Variants in DNAH9 observed in about 807,000 individuals in gnomAD.
DNAH9 encodes dynein axonemal heavy chain 9.
In DNAH9, 345 loss-of-function variants were observed where a neutral mutation model predicts 471.6. The ratio of observed to expected loss-of-function variants is 0.73; its 90% CI spans 0.67 to 0.80. The LOEUF is 0.80. DNAH9 is among the 30% of genes least tolerant of loss of function. DNAH9 has a pLI of 0.00. For missense variants in DNAH9, 5,407 were observed against 5,609.2 expected (o/e 0.96, Z 1.15); for synonymous variants, 2,093 against 2,123.6 (o/e 0.99, Z 0.40).
chr17:11,751,019 G>GA (rs1334414776), intron 32 of DNAH9, among the ~76,000 whole-genome samples: 1 of 151,706 alleles, frequency 6.6e-6, no homozygotes, highest in Non-Finnish European at 1.5e-5. Flanking sequence ...TGATTAATGG[G>GA]AAAAAAGAGT....
intron 66 of DNAH9, among the ~76,000 whole-genome samples, chr17:11,939,231 A>G (rs912665656): frequency 3.9e-5 from 6 of 152,184 alleles, no homozygotes; most frequent in Admixed American, 1.3e-4. Flanking sequence ...TTTGATGTAT[A>G]ATTTGAAAAT....
chr17:11,755,081 G>T (rs145056972), intron 33 of DNAH9, among the ~76,000 whole-genome samples: 44 of 152,154 alleles, frequency 2.9e-4, no homozygotes, highest in African/African-American at 1.0e-3. Flanking sequence ...TGTTAAATAG[G>T]CTTCCCCAAA....
chr17:11,615,030 T>C (rs551184803), intron 4 of DNAH9, among the ~76,000 whole-genome samples: 23 of 152,192 alleles, frequency 1.5e-4, no homozygotes, highest in Non-Finnish European at 2.9e-4. Context: ...CAGTGCACAC[T>C]GGTTTGCTGT....
At position 11,784,332 on chromosome 17, in the gene DNAH9, G is replaced by C. The variant is rs778139255; in HGVS notation, c.7854G>C (p.Pro2618=). The C allele has an allele frequency of 6.2e-6, 10 of 1,613,874 alleles. 1 individual carries two copies. In the African/African-American group the frequency reaches 1.1e-4, roughly 17 times the overall value. ...RHFSVFVLSF[P]GADALSSIYS... is the part of the protein sequence containing the mutation. ...TCAGCGTGTTTGTCCTCTCCTTCCC[G>C]GGGGCAGATGCCCTGTCCTCTATCT... Residue 2618 remains proline (P), a synonymous_variant, in exon 41 of 69, where the codon CCG becomes CCC. Coordinates refer to ENST00000262442, the MANE Select transcript of DNAH9 (RefSeq NM_001372.4).
chr17:11,701,578 GA>G (rs1363099512), intron 24 of DNAH9, among the ~76,000 whole-genome samples: 2 of 152,222 alleles, frequency 1.3e-5, no homozygotes, highest in African/African-American at 4.8e-5. Context: ...CACCAGTAGG[GA>G]ACAAGACAAT....
intron 7 of DNAH9, among the ~76,000 whole-genome samples, chr17:11,632,257 C>A (rs149444731): frequency 6.6e-6 from 1 of 152,090 alleles, no homozygotes; most frequent in Non-Finnish European, 1.5e-5. Context: ...GTTGATGCTG[C>A]GGTGGTTTTC....
intron 15 of DNAH9, among the ~76,000 whole-genome samples, chr17:11,666,300 GCA>G (rs1450755512): frequency 3.9e-5 from 6 of 152,182 alleles, no homozygotes; most frequent in African/African-American, 1.4e-4. Flanking sequence ...TGCAGGCAGT[GCA>G]CTAGAAGTGG....
chr17:11,874,814 C>CCTT, intron 52 of DNAH9, 135 bp from the exon 53 acceptor site: 1 of 674,736 alleles, frequency 1.5e-6, no homozygotes, highest in Non-Finnish European at 2.6e-6. Flanking sequence ...AATCACACAG[C>CCTT]CAGAAAGGCA....
intron 61 of DNAH9, among the ~76,000 whole-genome samples, chr17:11,908,542 T>G (rs1973683336): frequency 6.6e-6 from 1 of 152,230 alleles, no homozygotes; most frequent in African/African-American, 2.4e-5. Context: ...ATATCCCATT[T>G]ACTCGGTAGT....
At chr17:11,848,841 C>T (rs540971259) in intron 49 of DNAH9, among the ~76,000 whole-genome samples, 5 of 151,572 alleles carry the variant, frequency 3.3e-5, no homozygotes, top group Non-Finnish European at 7.4e-5. Flanking sequence ...TCTCTCACAC[C>T]TCTTTTTTTT....
rs765859979 is a variant in DNAH9 at position 11,902,860 on chromosome 17, C to A, written c.11548C>A (p.Arg3850Ser). 2 of 1,613,910 alleles carry A rather than the reference C, an allele frequency of 1.2e-6. No homozygotes were observed. The highest frequency in any genetic ancestry group is 1.7e-6 in the Non-Finnish European group (2 of 1,179,866). ...GTGGAAGAACAAGACAGCCCTGCAG[C>A]GCCTCTGCATGCTGAGAGCCATGCG... ...QEWKNKTALQRLCMLRAMRPD... is the reference protein window; with the variant it reads ...QEWKNKTALQSLCMLRAMRPD... The change falls in exon 60 of 69, where the codon CGC (arginine) becomes AGC (serine). Residue 3850 changes from arginine to serine, a missense_variant. Physicochemically the swap from Arg to Ser is moderately radical, Grantham distance 110 (BLOSUM62 -1). This residue lies in a region of DNAH9 where 4,636 missense variants were observed against 4,900.3 expected (regional missense o/e 0.95). Transcript: ENST00000262442.
In DNAH9 at chr17:11,769,154, T is replaced by C. The variant is rs1205523697; in HGVS notation, c.7377T>C (p.Arg2459=). The C allele has an allele frequency of 6.2e-7, 1 of 1,614,084 alleles. No individual in the cohort carries two copies. Among genetic ancestry groups the C allele is most frequent in the East Asian group, 2.2e-5 (1 of 44,892 alleles). Residue 2459 remains arginine, a synonymous_variant, in exon 38 of 69, where the codon CGT becomes CGC. Coordinates refer to ENST00000262442, the MANE Select transcript of DNAH9 (RefSeq NM_001372.4). ...ACLVHTSETI[R]VCYFMERLMA... is the part of the protein sequence containing the mutation. ...TGGTGCACACGAGTGAGACCATCCG[T>C]GTGTGCTACTTCATGGAGCGGTTGA...
chr17:11,732,209 T>C (rs2075281314), intron 28 of DNAH9, among the ~76,000 whole-genome samples: 1 of 152,184 alleles, frequency 6.6e-6, no homozygotes. Context: ...GATCACTTAG[T>C]TCCTGTTTGT....
At chr17:11,933,849 C>T (rs1243431031) in intron 64 of DNAH9, 31 bp from the exon 65 acceptor site, 28 of 1,590,970 alleles carry the variant, frequency 1.8e-5, no homozygotes, top group East Asian at 2.2e-5. Context: ...GGTCTTTCTT[C>T]CTTCCTCTCT....
intron 54 of DNAH9, 46 bp from the exon 55 acceptor site, chr17:11,881,163 T>C: frequency 6.2e-7 from 1 of 1,603,288 alleles, no homozygotes; most frequent in Non-Finnish European, 8.5e-7. Flanking sequence ...CCCAACCAAA[T>C]TTTGCAGGAA....
At chr17:11,810,123 T>C (rs918780784) in intron 44 of DNAH9, 123 bp from the exon 45 acceptor site, 3 of 1,232,384 alleles carry the variant, frequency 2.4e-6, no homozygotes, top group Non-Finnish European at 2.2e-6. Flanking sequence ...CTTCCCATTG[T>C]CACCTTACTT....
At position 11,640,372 on chromosome 17, in the gene DNAH9, G is replaced by C. The variant is rs111906560; in HGVS notation, c.1889G>C (p.Arg630Pro). Reference protein sequence around the residue: ...RIQGPFSNFGRITHPCMESAE... With the variant: ...RIQGPFSNFGPITHPCMESAE... Reference sequence around the variant, plus strand: ...CAGGGTCCTTTCAGCAACTTTGGACGCATCACACACCCGTGAGTATTGTGT... The same window carrying C: ...CAGGGTCCTTTCAGCAACTTTGGACCCATCACACACCCGTGAGTATTGTGT... The change falls in exon 10 of 69, where the codon CGC becomes CCC. Residue 630 changes from arginine to proline, a missense_variant. By Grantham distance (103) the Arg-to-Pro change is moderately radical (BLOSUM62 -2). Transcript: ENST00000262442. 6.2e-7 allele frequency: 1 copy of C among 1,606,670 alleles called. No homozygotes were observed. Among genetic ancestry groups the C allele is most frequent in the Non-Finnish European group, 8.5e-7 (1 of 1,173,428 alleles).
intron 15 of DNAH9, among the ~76,000 whole-genome samples, chr17:11,665,230 C>T (rs2073846959): frequency 6.6e-6 from 1 of 152,156 alleles, no homozygotes; most frequent in African/African-American, 2.4e-5. Flanking sequence ...AGTGAATTCA[C>T]TCTAAATCAA....
At chr17:11,817,013 C>T (rs1005816752) in intron 45 of DNAH9, among the ~76,000 whole-genome samples, 14 of 151,820 alleles carry the variant, frequency 9.2e-5, no homozygotes, top group African/African-American at 3.1e-4. Flanking sequence ...GAGCCGAGAT[C>T]GCGCCACTGC....
Sources: allele counts gnomAD v4.1 joint callset (sites outside exome capture counted in the v4.1 genomes callset), GRCh38; gene constraint gnomAD v4.1.1; regional missense constraint gnomAD v4.1.1; transcripts MANE v1.5; gene names NCBI Gene and HGNC (gene_info 2026-07-23, HGNC 2026-07-21).